The following ABCB10 variants were observed in gnomAD, a reference collection of about 807,000 sequenced individuals.
ABCB10 encodes the protein ATP-binding cassette sub-family B member 10, mitochondrial.
ABCB10 carries 54 observed loss-of-function variants against 65.4 expected under a neutral mutation model. The observed-to-expected ratio is 0.83, with a 90% CI of 0.66 to 1.04. The LOEUF (loss-of-function observed/expected upper bound fraction) is 1.04, where lower values mean the gene tolerates loss of function less well. ABCB10 is among the 50% of genes least tolerant of loss of function. The pLI is 0.00. For missense variants in ABCB10, 846 were observed against 976.6 expected, an observed-to-expected ratio of 0.87 and a Z score of 1.78; for synonymous variants, 418 against 406.5, an observed-to-expected ratio of 1.03 and a Z score of -0.34.
chr1:229,530,602 G>T (rs1220031142), intron 7 of ABCB10, among the ~76,000 whole-genome samples, 194 bp from the exon 8 acceptor site: 5 of 152,122 alleles, frequency 3.3e-5, no homozygotes. Flanking sequence ...CACCTACTAT[G>T]TCCAAGGTAC....
At chr1:229,553,260 G>A (rs889872635) in intron 1 of ABCB10, among the ~76,000 whole-genome samples, 1 of 152,046 alleles carries the variant, frequency 6.6e-6, no homozygotes, top group Admixed American at 6.5e-5. Context: ...ACAGGCATGC[G>A]CCACTATGCC....
intron 11 of ABCB10, among the ~76,000 whole-genome samples, chr1:229,521,116 A>G (rs770423217): frequency 4.3e-4 from 65 of 152,298 alleles, no homozygotes; most frequent in African/African-American, 1.6e-3. Flanking sequence ...GTTGTATAAC[A>G]AAGGGAAGGC....
chr1:229,548,037 T>C (rs1663012266), intron 2 of ABCB10, among the ~76,000 whole-genome samples: 1 of 151,748 alleles, frequency 6.6e-6, no homozygotes, highest in South Asian at 2.1e-4. Context: ...GGTCTTGCTC[T>C]ATCACCCAGG....
At chr1:229,548,047 G>C (rs1015050037) in intron 2 of ABCB10, among the ~76,000 whole-genome samples, 3 of 150,676 alleles carry the variant, frequency 2.0e-5, no homozygotes, top group Admixed American at 6.6e-5. Context: ...TATCACCCAG[G>C]CCTGAATGAA....
At chr1:229,556,887 G>A (rs1663261932) in intron 1 of ABCB10, among the ~76,000 whole-genome samples, 1 of 152,196 alleles carries the variant, frequency 6.6e-6, no homozygotes, top group Admixed American at 6.5e-5. Flanking sequence ...CTAAGAACTA[G>A]AGACAGAAAG....
intron 6 of ABCB10, among the ~76,000 whole-genome samples, chr1:229,535,932 G>C (rs533987739): frequency 6.6e-6 from 1 of 151,980 alleles, no homozygotes; most frequent in Admixed American, 6.6e-5. Context: ...TGCCATGTTG[G>C]CCAGGCTGGT....
At chr1:229,545,187 C>T (rs530991803) in intron 3 of ABCB10, among the ~76,000 whole-genome samples, 1 of 152,340 alleles carries the variant, frequency 6.6e-6, no homozygotes, top group Admixed American at 6.5e-5. Context: ...TTTTTCCCAG[C>T]TTGAACTCTT....
At chr1:229,539,753 A>G (rs1028916846) in intron 5 of ABCB10, among the ~76,000 whole-genome samples, 162 bp from the exon 6 acceptor site, 1 of 152,212 alleles carries the variant, frequency 6.6e-6, no homozygotes, top group Non-Finnish European at 1.5e-5. Flanking sequence ...TGGTTTTGTA[A>G]TATTGCAATA....
chr1:229,527,471 A>C lies in ABCB10; in HGVS notation c.1646-163T>G, dbSNP rs1372007393. On this transcript the variant is annotated intron_variant, in intron 8 of 12. Coordinates refer to ENST00000344517, the MANE Select transcript of ABCB10 (RefSeq NM_012089.3). The stretch of plus-strand genomic sequence containing the variant: ...AAACTAACATATTTCATGAAATTTC[A>C]GAGCTAAAAGGGACTTTCTGGATTG... Among the ~76,000 whole-genome samples the C allele has an allele frequency of 2.0e-5, 3 of 152,224 alleles. No homozygotes were observed. The East Asian group carries it at 5.8e-4, about 29-fold the overall frequency.
At chr1:229,533,804 A>T (rs1009999856) in intron 6 of ABCB10, among the ~76,000 whole-genome samples, 1 of 152,228 alleles carries the variant, frequency 6.6e-6, no homozygotes, top group South Asian at 2.1e-4. Context: ...TTACAGACCT[A>T]ATGTAAAACA....
At chr1:229,522,459 G>A (rs1662337686) in intron 10 of ABCB10, among the ~76,000 whole-genome samples, 1 of 152,136 alleles carries the variant, frequency 6.6e-6, no homozygotes, top group Non-Finnish European at 1.5e-5. Context: ...TCCTGCCTTG[G>A]TCTCCCAAAG....
chr1:229,558,618 AG>A lies in ABCB10; in HGVS notation c.34del (p.Leu12SerfsTer15). On this transcript the variant is annotated frameshift_variant, in exon 1 of 13. Coordinates refer to ENST00000344517, the MANE Select transcript of ABCB10 (RefSeq NM_012089.3). LOFTEE classifies it high-confidence loss of function. ...RGPPAWPLRL[L>X]EPPSPAEPGR... is the part of the protein sequence containing the mutation. Reference sequence around the variant, plus strand: ...TGGCTCGGCAGGGCTCGGTGGCTCGAGCAGCCGCAGCGGCCAGGCAGGGGGG... The same window carrying A: ...TGGCTCGGCAGGGCTCGGTGGCTCGACAGCCGCAGCGGCCAGGCAGGGGGG... 1 of 1,414,728 alleles carries A rather than the reference AG, an allele frequency of 7.1e-7. No homozygotes were observed. The highest frequency in any genetic ancestry group is 9.2e-7 in the Non-Finnish European group (1 of 1,084,794). 87.6% of individuals were successfully genotyped at this position (1,414,728 alleles called of 1,614,324 possible). A position where few individuals can be genotyped will look rare whatever the true frequency, so the allele number is the denominator to read the frequency against.
intron 1 of ABCB10, among the ~76,000 whole-genome samples, chr1:229,557,768 C>T (rs1248952063): frequency 6.6e-6 from 1 of 152,008 alleles, no homozygotes; most frequent in Non-Finnish European, 1.5e-5. Flanking sequence ...ACAAAATAGG[C>T]ATATTTTTGG....
intron 3 of ABCB10, among the ~76,000 whole-genome samples, chr1:229,542,750 A>G (rs1232419877): frequency 6.6e-6 from 1 of 151,784 alleles, no homozygotes; most frequent in Non-Finnish European, 1.5e-5. Flanking sequence ...CAGGAGTTGT[A>G]TATTCAGGTC....
At chr1:229,520,481 A>T (rs1014781144) in intron 11 of ABCB10, among the ~76,000 whole-genome samples, 9 of 152,056 alleles carry the variant, frequency 5.9e-5, no homozygotes, top group South Asian at 2.1e-4. Context: ...AAAAAAAGAA[A>T]AAAAGAAAAA....
Position 229,558,522 on chromosome 1 carries a change from G to A in ABCB10, c.131C>T (p.Thr44Ile), listed in dbSNP as rs1446069134. The A allele has an allele frequency of 7.0e-7, 1 of 1,426,920 alleles. No individual in the cohort carries two copies. Among genetic ancestry groups the A allele is most frequent in the Admixed American group, 2.6e-5 (1 of 39,060 alleles). 88.4% of individuals were successfully genotyped at this position (1,426,920 alleles called of 1,614,324 possible). Reference sequence around the variant, plus strand: ...CCATAGCCGCGCCGGCCTCAGGCCAGTGAACGGCGATAGGGACCCGGGAAC... The same window carrying A: ...CCATAGCCGCGCCGGCCTCAGGCCAATGAACGGCGATAGGGACCCGGGAAC... ...SRVPGSLSPFTGLRPARLWGA... is the reference protein window; with the variant it reads ...SRVPGSLSPFIGLRPARLWGA... Residue 44 changes from threonine (T) to isoleucine (I), a missense_variant, in exon 1 of 13, where the codon ACT becomes ATT. Physicochemically the swap from Thr to Ile is moderately conservative, Grantham distance 89. Coordinates refer to ENST00000344517, the MANE Select transcript of ABCB10 (RefSeq NM_012089.3).
intron 8 of ABCB10, 143 bp downstream of exon 8, chr1:229,530,056 A>C: frequency 1.2e-6 from 1 of 829,882 alleles, no homozygotes; most frequent in African/African-American, 1.7e-5. Context: ...CTTCTGTTTG[A>C]GGGATTTCTT....
chr1:229,543,835 A>C (rs1662906860), intron 3 of ABCB10, among the ~76,000 whole-genome samples: 1 of 152,206 alleles, frequency 6.6e-6, no homozygotes, highest in Non-Finnish European at 1.5e-5. Flanking sequence ...AGACAAGTCC[A>C]TCAGGACACC....
At position 229,535,729 on chromosome 1, in the gene ABCB10, C is replaced by CTT. The variant is rs34439249; in HGVS notation, c.1339+3725_1339+3726dup. ...GTGTAATGCTGTGTCAATGTAGGCT[C>CTT]TTTTTTTTTTTTTTGAGACAGAGTC... On this transcript the variant is annotated intron_variant, in intron 6 of 12. Transcript: ENST00000344517. Among the ~76,000 whole-genome samples, 149 of 142,786 alleles carry CTT rather than the reference C, an allele frequency of 1.0e-3. 1 individual carries two copies. The highest frequency in any genetic ancestry group is 2.4e-3 in the African/African-American group (93 of 39,100). 93.7% of individuals were successfully genotyped at this position (142,786 alleles called of 152,430 possible). A position where few individuals can be genotyped will look rare whatever the true frequency, so the allele number is the denominator to read the frequency against.
Sources: allele counts gnomAD v4.1 joint callset (sites outside exome capture counted in the v4.1 genomes callset), GRCh38; gene constraint gnomAD v4.1.1; transcripts MANE v1.5; gene names NCBI Gene and HGNC (gene_info 2026-07-23, HGNC 2026-07-21).